Variants in KLRB1 observed in about 807,000 individuals in gnomAD.
The protein encoded by KLRB1 is killer cell lectin-like receptor subfamily B member 1.
KLRB1 carries 27 observed loss-of-function variants against 33.5 expected under a neutral mutation model. That is an observed-to-expected ratio of 0.81 (90% CI 0.59 to 1.11). The LOEUF (loss-of-function observed/expected upper bound fraction) is 1.11, where lower values mean the gene tolerates loss of function less well. KLRB1 is among the 50% of genes most tolerant of loss of function. KLRB1 has a pLI of 0.00. For synonymous variants in KLRB1, 64 were observed against 88.9 expected (o/e 0.72, Z 1.58); for missense variants, 241 against 254.1 (o/e 0.95, Z 0.35).
At chr12:9,598,833 C>T (rs1020801834) in intron 3 of KLRB1, among the ~76,000 whole-genome samples, 180 bp from the exon 4 acceptor site, 1 of 152,004 alleles carries the variant, frequency 6.6e-6, no homozygotes, top group Non-Finnish European at 1.5e-5. Context: ...ATTCTAGTAC[C>T]AAGAATTGGG....
In KLRB1 at chr12:9,605,618, G is replaced by A. The variant is rs151041727; in HGVS notation, c.85+2137C>T. ...CAAACCCTTGGCCATTTGGCCATAAGCAAGATCGGTTATCACTCACATCTC... is the reference window on the plus strand; with the variant it reads ...CAAACCCTTGGCCATTTGGCCATAAACAAGATCGGTTATCACTCACATCTC... On this transcript the variant is annotated intron_variant, in intron 1 of 5. Coordinates refer to ENST00000229402, the MANE Select transcript of KLRB1 (RefSeq NM_002258.3). Among the ~76,000 whole-genome samples the A allele has an allele frequency of 1.6e-4, 24 of 152,304 alleles. No homozygotes were observed. In the East Asian group the frequency reaches 4.6e-3, roughly 29 times the overall value.
At chr12:9,598,443 A>T in intron 4 of KLRB1, 56 bp downstream of exon 4, 1 of 1,247,684 alleles carries the variant, frequency 8.0e-7, no homozygotes, top group Non-Finnish European at 1.1e-6. Context: ...CACAGACATT[A>T]ATATGGTTTA....
rs1864482223 is a variant in KLRB1 at position 9,595,264 on chromosome 12, G to A, written c.*10C>T. ...AATGGGAAGCAAATAAATTGAGATG[G>A]GATTCATAGTCAAGAGTCAGGATAC... On this transcript the variant is annotated 3_prime_UTR_variant, in exon 6 of 6. Transcript: ENST00000229402. 2 of 1,611,640 alleles carry A rather than the reference G, an allele frequency of 1.2e-6. No individual in the cohort carries two copies. The highest frequency in any genetic ancestry group is 1.7e-6 in the Non-Finnish European group (2 of 1,178,110).
Position 9,601,518 on chromosome 12 carries a change from G to C in KLRB1, c.167C>G (p.Thr56Ser). The C allele has an allele frequency of 6.2e-7, 1 of 1,612,904 alleles. No individual in the cohort carries two copies. The highest frequency in any genetic ancestry group is 8.5e-7 in the Non-Finnish European group (1 of 1,178,978). Residue 56 changes from threonine to serine, a missense_variant, in exon 2 of 6, where the codon ACT (threonine) becomes AGT (serine). Physicochemically the swap from Thr to Ser is moderately conservative, Grantham distance 58 (BLOSUM62 1). Transcript: ENST00000229402. ...CCACTTACCTGAAACACTCAACCCA[G>C]TAACAACCAAGACAAGGAGAATAAT... ...AGIILLVLVV[T>S]GLSVSVTSLI...
chr12:9,600,497 C>T (rs747778668), intron 2 of KLRB1, among the ~76,000 whole-genome samples: 1 of 152,148 alleles, frequency 6.6e-6, no homozygotes, highest in Non-Finnish European at 1.5e-5. Flanking sequence ...CAGATTGTTA[C>T]TGTGTCTGTG....
At chr12:9,604,565 C>G (rs967582587) in intron 1 of KLRB1, among the ~76,000 whole-genome samples, 20 of 152,228 alleles carry the variant, frequency 1.3e-4, no homozygotes, top group African/African-American at 4.3e-4. Context: ...ATACCACAGG[C>G]GTGTTTTCAT....
intron 1 of KLRB1, among the ~76,000 whole-genome samples, chr12:9,605,510 T>G (rs1403123770): frequency 3.3e-5 from 5 of 152,266 alleles, no homozygotes. Context: ...GCATGCCTGG[T>G]GCAGAGTAGG....
chr12:9,605,290 A>G (rs774656024), intron 1 of KLRB1, among the ~76,000 whole-genome samples: 12 of 152,192 alleles, frequency 7.9e-5, no homozygotes, highest in East Asian at 1.9e-4. Context: ...TGCTGCCGCA[A>G]TAAACATACG....
At position 9,607,854 on chromosome 12, in the gene KLRB1, G is replaced by C. The variant is rs1196155472; in HGVS notation, c.-15C>G. The C allele has an allele frequency of 6.3e-7, 1 of 1,588,034 alleles. No individual in the cohort carries two copies. The highest frequency in any genetic ancestry group is 2.2e-5 in the East Asian group (1 of 44,712). On this transcript the variant is annotated 5_prime_UTR_variant, in exon 1 of 6. Coordinates refer to ENST00000229402, the MANE Select transcript of KLRB1 (RefSeq NM_002258.3). ...TGTTGGTCCATGGCAGACAGAGGAA[G>C]GTGGCATTAAACTTGTGTGTAAGAA...
Position 9,595,260 on chromosome 12 carries a change from G to T in KLRB1, c.*14C>A. The T allele has an allele frequency of 6.2e-7, 1 of 1,611,166 alleles. No homozygotes were observed. The highest frequency in any genetic ancestry group is 8.5e-7 in the Non-Finnish European group (1 of 1,177,614). ...CAGTAATGGGAAGCAAATAAATTGA[G>T]ATGGGATTCATAGTCAAGAGTCAGG... On this transcript the variant is annotated 3_prime_UTR_variant, in exon 6 of 6. Transcript: ENST00000229402.
At position 9,606,778 on chromosome 12, in the gene KLRB1, A is replaced by T. The variant is rs1407279685; in HGVS notation, c.85+977T>A. ...TATATATATTTTTTTTTTTTTTTTG[A>T]GATAGTCTTGCTGTGTCACCCAGGC... is the stretch of plus-strand genomic sequence containing the variant. On this transcript the variant is annotated intron_variant, in intron 1 of 5. Transcript: ENST00000229402. Among the ~76,000 whole-genome samples, 12 of 59,256 alleles carry T rather than the reference A, an allele frequency of 2.0e-4. 1 individual carries two copies. Among genetic ancestry groups the T allele is most frequent in the East Asian group, 4.2e-4 (1 of 2,364 alleles). 38.9% of individuals were successfully genotyped at this position (59,256 alleles called of 152,430 possible).
chr12:9,598,730 C>T, intron 3 of KLRB1, 77 bp from the exon 4 acceptor site: 1 of 949,254 alleles, frequency 1.1e-6, no homozygotes, highest in Non-Finnish European at 1.6e-6. Flanking sequence ...CAATCACACA[C>T]ACACAGGTCA....
intron 5 of KLRB1, 99 bp downstream of exon 5, chr12:9,597,947 A>T (rs1275792086): frequency 1.5e-6 from 1 of 653,214 alleles, no homozygotes; most frequent in Admixed American, 3.4e-5. Context: ...TGAGTTTTTA[A>T]ACCAAATTAA....
rs1265410438 is a variant in KLRB1, at chr12:9,607,397, TTTC to T, written c.85+355_85+357del. On this transcript the variant is annotated intron_variant, in intron 1 of 5. Transcript: ENST00000229402. ...CTTTCTTTCTTTCTTTCTTTCTTTC[TTTC>T]TTTCTTTTCTTTCTTTCTTTCTTTC... Among the ~76,000 whole-genome samples the T allele has an allele frequency of 2.7e-4, 32 of 119,216 alleles. No individual in the cohort carries two copies. In the South Asian group the frequency reaches 5.1e-3, roughly 19 times the overall value. The allele number at this position is 119,216 out of a possible 152,430, so 78.2% of individuals were successfully genotyped here. A position where few individuals can be genotyped will look rare whatever the true frequency, so the allele number is the denominator to read the frequency against.
intron 1 of KLRB1, among the ~76,000 whole-genome samples, chr12:9,604,582 G>A (rs1565443622): frequency 6.6e-6 from 1 of 152,100 alleles, no homozygotes; most frequent in Non-Finnish European, 1.5e-5. Flanking sequence ...TCATTTCGAT[G>A]TGTTTGCACT....
Position 9,594,692 on chromosome 12 carries a change from C to T in KLRB1, c.*582G>A, listed in dbSNP as rs10844140. 57,192 of 152,038 alleles carry T rather than the reference C, an allele frequency of 0.38. 12,009 individuals carry two copies. The highest frequency in any genetic ancestry group is 0.54 in the South Asian group (2,604 of 4,812). The allele number at this position is 152,038 out of a possible 1,614,324, so 9.4% of individuals were successfully genotyped here. On this transcript the variant is annotated 3_prime_UTR_variant, in exon 6 of 6. Coordinates refer to ENST00000229402, the MANE Select transcript of KLRB1 (RefSeq NM_002258.3). ...GAATGATAAATTTGAAAAGAAATGA[C>T]AGGATGAAGAAAAGCTGGCTAGGGG...
intron 1 of KLRB1, among the ~76,000 whole-genome samples, chr12:9,606,750 ATATATATATATT>A (rs1864608324): frequency 1.4e-4 from 4 of 28,966 alleles, no homozygotes; most frequent in Admixed American, 5.8e-4. Flanking sequence ...ATATATATAT[ATATATATATATT>A]TTTTTTTTTT....
At chr12:9,598,861 C>T (rs1315469066) in intron 3 of KLRB1, among the ~76,000 whole-genome samples, 1 of 152,120 alleles carries the variant, frequency 6.6e-6, no homozygotes, top group African/African-American at 2.4e-5. Flanking sequence ...GACCAGTTAT[C>T]TTGAGCATAA....
Position 9,599,749 on chromosome 12 carries a change from T to C in KLRB1, c.259+18A>G, listed in dbSNP as rs771626181. ...AATATTAACAGTTATTCTTAGGAAA[T>C]TGAAGCCACACAATTACCTGTTGTT... On this transcript the variant is annotated intron_variant, in intron 3 of 5. Coordinates refer to ENST00000229402, the MANE Select transcript of KLRB1 (RefSeq NM_002258.3). 5.0e-5 allele frequency: 75 copies of C among 1,500,838 alleles called. No homozygotes were observed. In the Admixed American group the frequency reaches 1.0e-3, roughly 21 times the overall value. The allele number at this position is 1,500,838 out of a possible 1,614,324, so 93.0% of individuals were successfully genotyped here.
Sources: allele counts gnomAD v4.1 joint callset (sites outside exome capture counted in the v4.1 genomes callset), GRCh38; gene constraint gnomAD v4.1.1; transcripts MANE v1.5; gene names NCBI Gene and HGNC (gene_info 2026-07-23, HGNC 2026-07-21).